The following PPP2R2B variants were observed in gnomAD, a reference collection of about 807,000 sequenced individuals.
The protein encoded by PPP2R2B is serine/threonine-protein phosphatase 2A 55 kDa regulatory subunit B beta isoform.
In PPP2R2B, 5 loss-of-function variants were observed where a neutral mutation model predicts 46.0. The observed-to-expected ratio is 0.11, with a 90% CI of 0.06 to 0.23. The LOEUF (loss-of-function observed/expected upper bound fraction) is 0.23. Among genes scored for constraint, PPP2R2B ranks in the 10% least tolerant of loss-of-function variants. PPP2R2B has a pLI of 1.00. For synonymous variants in PPP2R2B, 215 were observed against 206.7 expected (o/e 1.04, Z -0.34); for missense variants, 367 against 575.0 (o/e 0.64, Z 3.70).
intron 6 of PPP2R2B, 105 bp downstream of exon 6, chr5:146,650,442 C>A (rs1431488346): frequency 9.5e-7 from 1 of 1,056,920 alleles, no homozygotes; most frequent in African/African-American, 1.6e-5. Context: ...AAGTTCTCCG[C>A]AAATGCTAGG....
chr5:146,690,927 A>G (rs1169959246), intron 5 of PPP2R2B, among the ~76,000 whole-genome samples: 2 of 152,196 alleles, frequency 1.3e-5, no homozygotes, highest in African/African-American at 4.8e-5. Context: ...AAGGAAAAGC[A>G]TGGATTTGTA....
intron 2 of PPP2R2B, among the ~76,000 whole-genome samples, chr5:146,865,979 C>T (rs763759845): frequency 6.6e-6 from 1 of 152,156 alleles, no homozygotes. Flanking sequence ...CTATTAGGTT[C>T]CCGGTACTCT....
At chr5:146,854,228 G>T (rs933682734) in intron 2 of PPP2R2B, among the ~76,000 whole-genome samples, 1 of 152,068 alleles carries the variant, frequency 6.6e-6, no homozygotes, top group Non-Finnish European at 1.5e-5. Flanking sequence ...AGCCCTACAA[G>T]GCTTCATGTC....
intron 1 of PPP2R2B, among the ~76,000 whole-genome samples, chr5:147,006,505 G>T (rs1754447717): frequency 6.6e-6 from 1 of 152,140 alleles, no homozygotes; most frequent in African/African-American, 2.4e-5. Flanking sequence ...GTCCATCAAT[G>T]CAGGGGCATA....
chr5:146,997,069 T>C (rs1020506591), intron 1 of PPP2R2B, among the ~76,000 whole-genome samples: 1 of 152,236 alleles, frequency 6.6e-6, no homozygotes, highest in African/African-American at 2.4e-5. Context: ...TCTAAAGTTC[T>C]AGATTTTTTC....
chr5:146,861,693 A>C (rs1761011565), intron 2 of PPP2R2B, among the ~76,000 whole-genome samples: 1 of 152,316 alleles, frequency 6.6e-6, no homozygotes, highest in Non-Finnish European at 1.5e-5. Context: ...AGTAGAAGTT[A>C]CCTAAAATTT....
chr5:146,922,277 T>C (rs1724648904), intron 1 of PPP2R2B: 1 of 152,214 alleles, frequency 6.6e-6, no homozygotes, highest in African/African-American at 2.4e-5. Context: ...GTGCATGATA[T>C]CAAGGATTAT....
chr5:146,782,793 TGAGA>T (rs1054991606), intron 2 of PPP2R2B, among the ~76,000 whole-genome samples: 5 of 140,408 alleles, frequency 3.6e-5, no homozygotes, highest in African/African-American at 1.3e-4. Context: ...AATTGAAGGG[TGAGA>T]GAGAGAAGGG....
intron 2 of PPP2R2B, among the ~76,000 whole-genome samples, chr5:146,829,119 T>A (rs1758762282): frequency 6.6e-6 from 1 of 152,156 alleles, no homozygotes; most frequent in African/African-American, 2.4e-5. Flanking sequence ...TTTATTCTAA[T>A]AAGAGTAAGA....
chr5:146,746,196 G>T (rs1350247940), intron 2 of PPP2R2B, among the ~76,000 whole-genome samples: 1 of 152,094 alleles, frequency 6.6e-6, no homozygotes, highest in Admixed American at 6.6e-5. Context: ...TTCCACCACT[G>T]TGCATAATCC....
chr5:147,078,264 G>A (rs1220894373), intron 2 of PPP2R2B, among the ~76,000 whole-genome samples: 1 of 152,274 alleles, frequency 6.6e-6, no homozygotes, highest in Admixed American at 6.5e-5. Context: ...CGCCAATGCT[G>A]TATCTGTATT....
At chr5:147,054,326 T>C (rs1217669488) in intron 1 of PPP2R2B, among the ~76,000 whole-genome samples, 1 of 152,178 alleles carries the variant, frequency 6.6e-6, no homozygotes, top group Non-Finnish European at 1.5e-5. Context: ...ATTTGAAAAG[T>C]TCTCCTGGAG....
chr5:146,920,820 C>T (rs74955406), intron 1 of PPP2R2B, among the ~76,000 whole-genome samples: 8 of 152,186 alleles, frequency 5.3e-5, no homozygotes, highest in East Asian at 3.9e-4. Flanking sequence ...GTATCCCCTA[C>T]GTTTGAAAAA....
Position 146,669,144 on chromosome 5 carries a change from A to AT in PPP2R2B, c.448-18421dup, listed in dbSNP as rs111816688. On this transcript the variant is annotated intron_variant, in intron 5 of 9. Coordinates refer to ENST00000394411, the MANE Select transcript of PPP2R2B (RefSeq NM_181675.4). The stretch of plus-strand genomic sequence containing the variant: ...AAATTATGGTACCTGACTTCCACCT[A>AT]TTTTACATTCTATTTAGTATTTATT... 7.4e-3 allele frequency among the ~76,000 whole-genome samples: 1,132 copies of AT among 152,272 alleles called. 11 individuals are homozygous for AT. Among genetic ancestry groups the AT allele is most frequent in the African/African-American group, 0.024 (1,007 of 41,560 alleles).
intron 1 of PPP2R2B, among the ~76,000 whole-genome samples, chr5:147,031,168 C>A (rs924014840): frequency 2.0e-5 from 3 of 151,766 alleles, no homozygotes; most frequent in East Asian, 3.9e-4. Flanking sequence ...ACCCGGGAGG[C>A]GGAGCTTGCA....
Position 146,585,375 on chromosome 5 carries a change from A to G in PPP2R2B, c.*4572T>C, listed in dbSNP as rs1770101440. 1 of 151,656 alleles carries G rather than the reference A, an allele frequency of 6.6e-6. No individual in the cohort carries two copies. The highest frequency in any genetic ancestry group is 2.4e-5 in the African/African-American group (1 of 41,262). The allele number at this position is 151,656 out of a possible 1,614,324, so 9.4% of individuals were successfully genotyped here. On this transcript the variant is annotated 3_prime_UTR_variant, in exon 10 of 10. Transcript: ENST00000394411. ...GGCTTTGTCACTTGTGAACTGTGTAAATTTGGTTGTCATTCATCTGTTTCT... is the reference window on the plus strand; with the variant it reads ...GGCTTTGTCACTTGTGAACTGTGTAGATTTGGTTGTCATTCATCTGTTTCT...
chr5:146,746,484 C>T lies in PPP2R2B; in HGVS notation c.71-45342G>A, dbSNP rs561093684. On this transcript the variant is annotated intron_variant, in intron 2 of 9. Transcript: ENST00000394411. The stretch of plus-strand genomic sequence containing the variant: ...GTTGATCTCTTTCAAGTGACATATT[C>T]CAGAGGAGAAAGGAACAGGAGGATG... Among the ~76,000 whole-genome samples, 22 of 152,226 alleles carry T rather than the reference C, an allele frequency of 1.4e-4. No individual in the cohort carries two copies. In the South Asian group the frequency reaches 4.4e-3, roughly 30 times the overall value.
intron 2 of PPP2R2B, among the ~76,000 whole-genome samples, chr5:147,072,451 C>T (rs991004561): frequency 6.6e-6 from 1 of 151,962 alleles, no homozygotes; most frequent in Non-Finnish European, 1.5e-5. Flanking sequence ...TTATTAAGCC[C>T]CTGCTTGGTG....
exon 1 of PPP2R2B, chr5:147,055,785 C>G: frequency 6.4e-7 from 1 of 1,562,286 alleles, no homozygotes; most frequent in Non-Finnish European, 8.7e-7. Flanking sequence ...AAAACAGTCT[C>G]CTGAATCCAT....
Sources: gnomAD v4.1 joint callset for allele counts (sites outside exome capture counted in the v4.1 genomes callset) on GRCh38, gnomAD v4.1.1 for gene constraint, MANE v1.5 for transcripts, NCBI Gene and HGNC (gene_info 2026-07-23, HGNC 2026-07-21) for gene names.